The following RERE variants were observed in gnomAD, a reference collection of about 807,000 sequenced individuals.
RERE encodes the protein arginine-glutamic acid dipeptide repeats, also known as arginine-glutamic acid dipeptide repeats protein.
RERE carries 40 observed loss-of-function variants against 146.1 expected under a neutral mutation model. The ratio of observed to expected loss-of-function variants is 0.27; its 90% confidence interval spans 0.21 to 0.36. RERE has a LOEUF of 0.36. Among genes scored for constraint, RERE ranks in the 10% least tolerant of loss-of-function variants. RERE has a pLI of 1.00. For synonymous variants in RERE, 1,003 were observed against 866.0 expected, an observed-to-expected ratio of 1.16 and a Z score of -2.78; for missense variants, 1,933 against 2,138.7, an observed-to-expected ratio of 0.90 and a Z score of 1.90.
At chr1:8,567,045 T>C (rs1223976223) in intron 4 of RERE, among the ~76,000 whole-genome samples, 2 of 152,130 alleles carry the variant, frequency 1.3e-5, no homozygotes, top group African/African-American at 4.8e-5. Context: ...TGACTCGGCC[T>C]CCCAAAGTGC....
At chr1:8,764,179 T>A (rs112880722) in intron 1 of RERE, among the ~76,000 whole-genome samples, 1 of 152,066 alleles carries the variant, frequency 6.6e-6, no homozygotes, top group Non-Finnish European at 1.5e-5. Context: ...CCAGGGCAAG[T>A]TGCAGCTGCT....
rs562727382 is a variant in RERE, at chr1:8,771,858, G to A, written c.-145+45302C>T. On this transcript the variant is annotated intron_variant, in intron 1 of 22. Transcript: ENST00000400908. ...CCGGGAGGCGGAGCTTGCAGTGACC[G>A]GAGATCACGCCACTGCACTCCAGCC... 6.5e-4 allele frequency among the ~76,000 whole-genome samples: 95 copies of A among 146,802 alleles called. 1 individual carries two copies. Among genetic ancestry groups the A allele is most frequent in the East Asian group, 6.0e-3 (30 of 4,998 alleles).
At chr1:8,357,600 G>A (rs1380257153) in intron 20 of RERE, among the ~76,000 whole-genome samples, 4 of 152,242 alleles carry the variant, frequency 2.6e-5, no homozygotes, top group Admixed American at 6.5e-5. Context: ...CCAGGCTGCA[G>A]AGGGAGTGAG....
At chr1:8,815,311 T>G (rs1279311270) in intron 1 of RERE, among the ~76,000 whole-genome samples, 1 of 152,212 alleles carries the variant, frequency 6.6e-6, no homozygotes, top group Admixed American at 6.5e-5. Context: ...GCAAACATCA[T>G]CTTGCTAAAT....
intron 4 of RERE, among the ~76,000 whole-genome samples, chr1:8,581,382 A>G (rs1036503968): frequency 6.6e-6 from 1 of 152,158 alleles, no homozygotes; most frequent in Non-Finnish European, 1.5e-5. Context: ...TCTGCATCCA[A>G]TTGCTTTCTC....
chr1:8,601,569 T>G (rs1358410698), intron 4 of RERE, among the ~76,000 whole-genome samples: 2 of 150,972 alleles, frequency 1.3e-5, no homozygotes, highest in East Asian at 3.9e-4. Context: ...CAAACATCCT[T>G]CCATGATCCT....
At chr1:8,601,629 CA>C (rs1646628025) in intron 4 of RERE, among the ~76,000 whole-genome samples, 1 of 78,666 alleles carries the variant, frequency 1.3e-5, no homozygotes, top group Non-Finnish European at 2.9e-5. Flanking sequence ...AAGGTCACCA[CA>C]CACACACACA....
chr1:8,455,476 T>C (rs1043286648), intron 11 of RERE, among the ~76,000 whole-genome samples: 1 of 152,050 alleles, frequency 6.6e-6, no homozygotes, highest in Non-Finnish European at 1.5e-5. Context: ...ACACATCAGG[T>C]GATGTTGGCA....
intron 4 of RERE, among the ~76,000 whole-genome samples, chr1:8,575,144 C>T (rs1646274944): frequency 6.6e-6 from 1 of 152,146 alleles, no homozygotes. Context: ...ATGTGAAAGA[C>T]ACGCGAAACT....
intron 2 of RERE, among the ~76,000 whole-genome samples, chr1:8,626,625 C>T (rs1000206433): frequency 1.3e-4 from 20 of 152,138 alleles, no homozygotes; most frequent in Admixed American, 1.0e-3. Flanking sequence ...CCAGAGATAA[C>T]GTCCCCTCTG....
intron 1 of RERE, among the ~76,000 whole-genome samples, chr1:8,775,454 C>A (rs927436507): frequency 6.6e-6 from 1 of 152,088 alleles, no homozygotes; most frequent in South Asian, 2.1e-4. Context: ...TGTGGTGGCA[C>A]GCACCTGTAG....
At position 8,364,326 on chromosome 1, in the gene RERE, G is replaced by A. The variant is rs1196709139; in HGVS notation, c.1541-71C>T. 3 of 1,396,206 alleles carry A rather than the reference G, an allele frequency of 2.1e-6. No individual in the cohort carries two copies. Among genetic ancestry groups the A allele is most frequent in the Admixed American group, 3.4e-5 (2 of 59,166 alleles). The allele number at this position is 1,396,206 out of a possible 1,614,324, so 86.5% of individuals were successfully genotyped here. On this transcript the variant is annotated intron_variant, in intron 14 of 22. Coordinates refer to ENST00000400908, the MANE Select transcript of RERE (RefSeq NM_001042681.2). This position sits in a 1 kb window ranked among gnomAD's most constrained non-coding sequence, Gnocchi z 5.1. The stretch of plus-strand genomic sequence containing the variant: ...TCCCTGGGGATGTCTGGGCAGAGGG[G>A]CCCTTCTGTGGGCTCTACCCAAACC...
At chr1:8,602,631 G>C (rs72639666) in intron 4 of RERE, among the ~76,000 whole-genome samples, 7,766 of 152,008 alleles carry the variant, frequency 0.051, 276 homozygotes, top group Middle Eastern at 0.086. Context: ...TCCTTTACAA[G>C]GGAGGTAGAA....
chr1:8,590,766 T>C (rs1646482664), intron 4 of RERE: 1 of 152,220 alleles, frequency 6.6e-6, no homozygotes, highest in African/African-American at 2.4e-5. Context: ...AGTCCTTGAA[T>C]TGCATTTCCT....
intron 6 of RERE, among the ~76,000 whole-genome samples, chr1:8,552,127 G>C (rs1645943136): frequency 6.6e-6 from 1 of 152,170 alleles, no homozygotes; most frequent in African/African-American, 2.4e-5. Flanking sequence ...TTTTCTTATA[G>C]GAAGAAACTC....
chr1:8,606,587 T>C (rs1021741387), intron 4 of RERE, among the ~76,000 whole-genome samples: 2 of 152,136 alleles, frequency 1.3e-5, no homozygotes, highest in Non-Finnish European at 2.9e-5. Context: ...CCTTCCATCT[T>C]AAGAATGTCA....
intron 7 of RERE, among the ~76,000 whole-genome samples, chr1:8,518,953 A>T (rs1215776564): frequency 2.0e-5 from 3 of 152,194 alleles, no homozygotes; most frequent in Non-Finnish European, 2.9e-5. Flanking sequence ...TAAACAAACA[A>T]ACATTAAAAG....
chr1:8,774,498 C>A (rs935629836), intron 1 of RERE, among the ~76,000 whole-genome samples: 4 of 151,784 alleles, frequency 2.6e-5, no homozygotes, highest in Non-Finnish European at 5.9e-5. Flanking sequence ...GGATTACAGG[C>A]ATGTGCCACC....
At chr1:8,692,285 A>G (rs966658646) in intron 1 of RERE, among the ~76,000 whole-genome samples, 2 of 152,014 alleles carry the variant, frequency 1.3e-5, no homozygotes, top group Non-Finnish European at 2.9e-5. Flanking sequence ...CAATATCCAG[A>G]CACTCGTATA....
Sources: gnomAD v4.1 joint callset for allele counts (sites outside exome capture counted in the v4.1 genomes callset) on GRCh38, gnomAD v4.1.1 for gene constraint, Gnocchi (gnomAD v3.1) non-coding constraint, MANE v1.5 for transcripts, NCBI Gene and HGNC (gene_info 2026-07-23, HGNC 2026-07-21) for gene names.